MARCHF5: variants seen among roughly 807,000 people sequenced by gnomAD.
MARCHF5 encodes the protein E3 ubiquitin-protein ligase MARCHF5.
In MARCHF5, 5 loss-of-function variants were observed where a neutral mutation model predicts 36.5. The observed-to-expected ratio is 0.14, with a 90% CI of 0.07 to 0.29. The LOEUF (loss-of-function observed/expected upper bound fraction) is 0.29, where lower values mean the gene tolerates loss of function less well. Among genes scored for constraint, MARCHF5 ranks in the 10% least tolerant of loss-of-function variants. The pLI is 1.00. For synonymous variants in MARCHF5, 103 were observed against 109.9 expected, an observed-to-expected ratio of 0.94 and a Z score of 0.39; for missense variants, 179 against 336.3, an observed-to-expected ratio of 0.53 and a Z score of 3.66.
intron 3 of MARCHF5, among the ~76,000 whole-genome samples, chr10:92,341,431 A>G (rs1402573975): frequency 6.6e-6 from 1 of 152,138 alleles, no homozygotes; most frequent in Non-Finnish European, 1.5e-5. Flanking sequence ...TAGAACTTGG[A>G]TAAGTGGTCA....
At chr10:92,314,497 C>A (rs1318319795) in intron 2 of MARCHF5, among the ~76,000 whole-genome samples, 3 of 152,028 alleles carry the variant, frequency 2.0e-5, no homozygotes, top group Non-Finnish European at 4.4e-5. Flanking sequence ...CAAAAATTAG[C>A]CAGGCGTGGT....
chr10:92,323,749 T>G (rs1415274205), intron 2 of MARCHF5, among the ~76,000 whole-genome samples: 1 of 152,226 alleles, frequency 6.6e-6, no homozygotes, highest in African/African-American at 2.4e-5. Context: ...TCATTTCATT[T>G]TAGTACTGAA....
chr10:92,328,819 A>ATTTTT (rs1426986471), intron 2 of MARCHF5, among the ~76,000 whole-genome samples: 4 of 113,766 alleles, frequency 3.5e-5, no homozygotes, highest in South Asian at 2.7e-4. Context: ...ATATATATAT[A>ATTTTT]TATTTTTTTT....
rs781390820 is a variant in MARCHF5 at position 92,298,852 on chromosome 10, G to A, written c.35+7323G>A. Among the ~76,000 whole-genome samples the A allele has an allele frequency of 2.6e-5, 4 of 152,264 alleles. No individual in the cohort carries two copies. In the Middle Eastern group the frequency reaches 0.01, roughly 388 times the overall value. ...TGCTGGGATTACAGGCATGAAGCTA[G>A]CCAAAACATAAGTTTTTCTTGTTTT... On this transcript the variant is annotated intron_variant, in intron 1 of 5. Coordinates refer to ENST00000358935, the MANE Select transcript of MARCHF5 (RefSeq NM_017824.5).
At chr10:92,342,765 CTG>C (rs529893311) in intron 3 of MARCHF5, among the ~76,000 whole-genome samples, 90 of 152,288 alleles carry the variant, frequency 5.9e-4, no homozygotes, top group African/African-American at 2.0e-3. Flanking sequence ...CTAAGTAACT[CTG>C]TAGTAGTGAA....
At chr10:92,315,952 C>T (rs1379154036) in intron 2 of MARCHF5, among the ~76,000 whole-genome samples, 2 of 152,116 alleles carry the variant, frequency 1.3e-5, no homozygotes, top group Non-Finnish European at 2.9e-5. Context: ...GTCATAATCT[C>T]CTCAAATTTG....
chr10:92,320,071 A>G (rs1238625399), intron 2 of MARCHF5, among the ~76,000 whole-genome samples: 3 of 149,906 alleles, frequency 2.0e-5, no homozygotes, highest in Non-Finnish European at 4.4e-5. Context: ...TTTTTAATAT[A>G]GAGACAGGGT....
intron 3 of MARCHF5, among the ~76,000 whole-genome samples, chr10:92,344,721 T>C (rs141204080): frequency 7.1e-4 from 108 of 152,352 alleles, no homozygotes; most frequent in African/African-American, 2.5e-3. Flanking sequence ...TCACTGTTAT[T>C]TTCCCATTTA....
chr10:92,309,629 A>G (rs1408743036), intron 1 of MARCHF5, among the ~76,000 whole-genome samples: 1 of 152,168 alleles, frequency 6.6e-6, no homozygotes, highest in Non-Finnish European at 1.5e-5. Context: ...AAAAATATAT[A>G]CTAACAACAT....
chr10:92,324,540 T>A lies in MARCHF5; in HGVS notation c.238+13203T>A, dbSNP rs190399309. The stretch of plus-strand genomic sequence containing the variant: ...CCACGCCCGGCTAATTTTTTTGTAT[T>A]TTTAGTAGAGACAGGGTTTCACTGT... On this transcript the variant is annotated intron_variant, in intron 2 of 5. Coordinates refer to ENST00000358935, the MANE Select transcript of MARCHF5 (RefSeq NM_017824.5). Among the ~76,000 whole-genome samples the A allele has an allele frequency of 3.3e-5, 5 of 152,232 alleles. No homozygotes were observed. The East Asian group carries it at 7.7e-4, about 24-fold the overall frequency.
At chr10:92,304,800 AC>A in intron 1 of MARCHF5, among the ~76,000 whole-genome samples, 1 of 151,982 alleles carries the variant, frequency 6.6e-6, no homozygotes, top group East Asian at 1.9e-4. Flanking sequence ...ACCGATCCCC[AC>A]CCCCTAAGTT....
Position 92,291,426 on chromosome 10 carries a change from G to A in MARCHF5, c.-69G>A. 7.3e-7 allele frequency: 1 copy of A among 1,364,252 alleles called. No homozygotes were observed. Among genetic ancestry groups the A allele is most frequent in the Non-Finnish European group, 1.0e-6 (1 of 978,832 alleles). 84.5% of individuals were successfully genotyped at this position (1,364,252 alleles called of 1,614,324 possible). Reference sequence around the variant, plus strand: ...GCGGCCTACTCCGCCGCCTCTCAGTGCTATTGTCCCTGGGCCTGGCCTTGA... The same window carrying A: ...GCGGCCTACTCCGCCGCCTCTCAGTACTATTGTCCCTGGGCCTGGCCTTGA... On this transcript the variant is annotated 5_prime_UTR_variant, in exon 1 of 6. Transcript: ENST00000358935.
At position 92,351,261 on chromosome 10, in the gene MARCHF5, G is replaced by A. The variant is rs1221964696; in HGVS notation, c.*54G>A. 3 of 1,112,856 alleles carry A rather than the reference G, an allele frequency of 2.7e-6. No homozygotes were observed. The East Asian group carries it at 7.2e-5, about 27-fold the overall frequency. 68.9% of individuals were successfully genotyped at this position (1,112,856 alleles called of 1,614,324 possible). A position where few individuals can be genotyped will look rare whatever the true frequency, so the allele number is the denominator to read the frequency against. On this transcript the variant is annotated 3_prime_UTR_variant, in exon 6 of 6. Transcript: ENST00000358935. Reference sequence around the variant, plus strand: ...CTCATCCTTATGAATCTGTTGTGTTGTTTTGATTCCATCATTAATGCACTT... The same window carrying A: ...CTCATCCTTATGAATCTGTTGTGTTATTTTGATTCCATCATTAATGCACTT...
chr10:92,313,778 A>C (rs543830337), intron 2 of MARCHF5, among the ~76,000 whole-genome samples: 3 of 152,322 alleles, frequency 2.0e-5, no homozygotes, highest in Non-Finnish European at 1.5e-5. Context: ...CTGTAGTCCC[A>C]GCTACTCAGG....
At chr10:92,339,215 C>G (rs556127752) in intron 2 of MARCHF5, among the ~76,000 whole-genome samples, 1 of 150,634 alleles carries the variant, frequency 6.6e-6, no homozygotes, top group Admixed American at 6.6e-5. Context: ...ACTAAAAATA[C>G]AAAAATTAGT....
chr10:92,304,653 GT>G, intron 1 of MARCHF5, among the ~76,000 whole-genome samples: 1 of 152,178 alleles, frequency 6.6e-6, no homozygotes, highest in African/African-American at 2.4e-5. Context: ...AAAATTTCTG[GT>G]TGCTATACTC....
chr10:92,293,544 G>T (rs1842916478), intron 1 of MARCHF5, among the ~76,000 whole-genome samples: 1 of 151,668 alleles, frequency 6.6e-6, no homozygotes, highest in African/African-American at 2.4e-5. Flanking sequence ...GCCAAGGCAG[G>T]CAGATCACTA....
At chr10:92,317,711 T>C (rs868536667) in intron 2 of MARCHF5, among the ~76,000 whole-genome samples, 3 of 152,136 alleles carry the variant, frequency 2.0e-5, no homozygotes, top group African/African-American at 7.2e-5. Flanking sequence ...ATGTCATTGT[T>C]GAACAGAAAT....
chr10:92,291,326 C>T lies in MARCHF5; in HGVS notation c.-169C>T, dbSNP rs574081184. The T allele has an allele frequency of 1.5e-4, 95 of 654,602 alleles. No individual in the cohort carries two copies. Among genetic ancestry groups the T allele is most frequent in the African/African-American group, 7.0e-4 (37 of 52,784 alleles). 40.5% of individuals were successfully genotyped at this position (654,602 alleles called of 1,614,324 possible). On this transcript the variant is annotated 5_prime_UTR_variant, in exon 1 of 6. Transcript: ENST00000358935. ...GCCGCCTCCGCCGGACTCCCGCAGG[C>T]CCTGCACCGCCGCCGCCAGGCTAGC...
Sources: gnomAD v4.1 joint callset for allele counts (sites outside exome capture counted in the v4.1 genomes callset) on GRCh38, gnomAD v4.1.1 for gene constraint, MANE v1.5 for transcripts, NCBI Gene and HGNC (gene_info 2026-07-23, HGNC 2026-07-21) for gene names.